MB21D2: variants seen among roughly 807,000 people sequenced by gnomAD.
The protein encoded by MB21D2 is nucleotidyltransferase MB21D2.
Under a neutral mutation model 33.3 loss-of-function variants are expected in MB21D2, and 9 were observed. The observed-to-expected ratio is 0.27, with a 90% CI of 0.16 to 0.47. MB21D2 has a LOEUF of 0.47. Among genes scored for constraint, MB21D2 ranks in the 20% least tolerant of loss-of-function variants. The pLI is 0.99. For synonymous variants in MB21D2, 241 were observed against 236.3 expected, an observed-to-expected ratio of 1.02 and a Z score of -0.18; for missense variants, 540 against 624.6, an observed-to-expected ratio of 0.86 and a Z score of 1.44.
At chr3:192,885,365 A>G (rs1273019861) in intron 1 of MB21D2, among the ~76,000 whole-genome samples, 1 of 152,082 alleles carries the variant, frequency 6.6e-6, no homozygotes, top group Admixed American at 6.5e-5. Flanking sequence ...AATCTTCTCC[A>G]TTGCCAGAAA....
At chr3:192,866,401 T>G (rs1287441630) in intron 1 of MB21D2, among the ~76,000 whole-genome samples, 1 of 152,196 alleles carries the variant, frequency 6.6e-6, no homozygotes, top group Non-Finnish European at 1.5e-5. Context: ...TCTGGTTAGA[T>G]CTCTCTTTCT....
intron 1 of MB21D2, among the ~76,000 whole-genome samples, chr3:192,828,601 T>C (rs1426380803): frequency 0.026 from 53 of 2,002 alleles, 9 homozygotes; most frequent in Non-Finnish European, 0.054. Context: ...CATATATATA[T>C]ATATATATAT....
chr3:192,862,955 T>C (rs1713082986), intron 1 of MB21D2, among the ~76,000 whole-genome samples: 1 of 152,134 alleles, frequency 6.6e-6, no homozygotes, highest in African/African-American at 2.4e-5. Context: ...GAGAAGTGGC[T>C]CCTTGAGGCC....
chr3:192,910,434 C>T (rs1208672271), intron 1 of MB21D2, among the ~76,000 whole-genome samples: 1 of 151,996 alleles, frequency 6.6e-6, no homozygotes, highest in Non-Finnish European at 1.5e-5. Context: ...GCCGTGATGG[C>T]ATCATTGCAC....
rs1454889722 is a variant in MB21D2, at chr3:192,799,102, C to T, written c.760G>A (p.Glu254Lys). 6.2e-7 allele frequency: 1 copy of T among 1,614,132 alleles called. No homozygotes were observed. The highest frequency in any genetic ancestry group is 2.2e-5 in the East Asian group (1 of 44,872). The change falls in exon 2 of 2, where the codon GAG becomes AAG. Residue 254 changes from glutamate (E) to lysine (K), a missense_variant. Glu to Lys is a moderately conservative substitution (Grantham distance 56). Transcript: ENST00000392452. This position sits in a 1 kb window ranked among gnomAD's most constrained non-coding sequence, Gnocchi z 4.1. ...WPAVAQSWLM[E>K]NHFWDGKITE... ...ATCTTCCCATCCCAAAAGTGGTTCT[C>T]CATGAGCCAGCTCTGGGCCACTGCA...
chr3:192,878,398 TGGA>T (rs1243038519), intron 1 of MB21D2, among the ~76,000 whole-genome samples: 1 of 152,120 alleles, frequency 6.6e-6, no homozygotes, highest in African/African-American at 2.4e-5. Flanking sequence ...GAGAGAAAAT[TGGA>T]GAAGAAATAA....
chr3:192,881,329 T>C (rs7647630), intron 1 of MB21D2, among the ~76,000 whole-genome samples: 7 of 151,998 alleles, frequency 4.6e-5, no homozygotes, highest in East Asian at 1.9e-4. Context: ...CAGGAGGACA[T>C]AGGCTAATGA....
chr3:192,912,325 G>A (rs1230373491), intron 1 of MB21D2, among the ~76,000 whole-genome samples: 2 of 152,034 alleles, frequency 1.3e-5, no homozygotes, highest in Non-Finnish European at 2.9e-5. Flanking sequence ...TGTCAAATGC[G>A]TGAAAAAAAC....
chr3:192,856,895 T>A (rs1433503344), intron 1 of MB21D2, among the ~76,000 whole-genome samples: 1 of 152,126 alleles, frequency 6.6e-6, no homozygotes, highest in Non-Finnish European at 1.5e-5. Context: ...ACTAATTATC[T>A]TCTGTCTGTT....
At chr3:192,850,695 C>A (rs11920093) in intron 1 of MB21D2, among the ~76,000 whole-genome samples, 1 of 152,188 alleles carries the variant, frequency 6.6e-6, no homozygotes, top group Admixed American at 6.5e-5. Flanking sequence ...AGCCCCGTCC[C>A]GTCTCCCTGC....
chr3:192,884,429 C>G (rs762396183), intron 1 of MB21D2, among the ~76,000 whole-genome samples: 32 of 151,814 alleles, frequency 2.1e-4, no homozygotes, highest in South Asian at 1.7e-3. Context: ...TGCAGTGGCG[C>G]GATCTAGGCT....
chr3:192,806,116 T>C (rs1256841978), intron 1 of MB21D2, among the ~76,000 whole-genome samples: 2 of 152,196 alleles, frequency 1.3e-5, no homozygotes, highest in Non-Finnish European at 2.9e-5. Flanking sequence ...GGATTCTAGC[T>C]CTTTCTTGTC....
intron 1 of MB21D2, among the ~76,000 whole-genome samples, chr3:192,888,656 G>A (rs1194569656): frequency 6.6e-6 from 1 of 152,072 alleles, no homozygotes; most frequent in African/African-American, 2.4e-5. Flanking sequence ...CTTACCATAT[G>A]ATCATACAGC....
chr3:192,823,420 G>A (rs921653257), intron 1 of MB21D2, among the ~76,000 whole-genome samples: 3 of 152,156 alleles, frequency 2.0e-5, no homozygotes, highest in South Asian at 2.1e-4. Flanking sequence ...TTGGGAGGCC[G>A]AGGCAGGTGG....
At chr3:192,831,231 G>A (rs1712308089) in intron 1 of MB21D2, among the ~76,000 whole-genome samples, 2 of 152,130 alleles carry the variant, frequency 1.3e-5, no homozygotes, top group South Asian at 2.1e-4. Context: ...GCCCACATGG[G>A]GATGAGCCGA....
At chr3:192,833,706 C>T (rs904720854) in intron 1 of MB21D2, among the ~76,000 whole-genome samples, 2 of 152,122 alleles carry the variant, frequency 1.3e-5, no homozygotes, top group Admixed American at 6.6e-5. Flanking sequence ...TCTGGGTGCA[C>T]GTAGTGTCTC....
chr3:192,909,830 G>A (rs1295634210), intron 1 of MB21D2, among the ~76,000 whole-genome samples: 6 of 150,930 alleles, frequency 4.0e-5, no homozygotes, highest in African/African-American at 1.5e-4. Context: ...TACTCCAGAG[G>A]CTGAGGCAGG....
Position 192,799,176 on chromosome 3 carries a change from C to A in MB21D2, c.686G>T (p.Ser229Ile). Reference protein sequence around the residue: ...IISIILGVGSSRMLYDIVPVV... With the variant: ...IISIILGVGSIRMLYDIVPVV... Reference sequence around the variant, plus strand: ...AGGGACAATATCATACAACATGCGACTACTCCCTACACCCAGAATGATGGA... The same window carrying A: ...AGGGACAATATCATACAACATGCGAATACTCCCTACACCCAGAATGATGGA... Residue 229 changes from serine (S) to isoleucine (I), a missense_variant, in exon 2 of 2, where the codon AGT becomes ATT. Physicochemically the swap from Ser to Ile is moderately radical, Grantham distance 142. Coordinates refer to ENST00000392452, the MANE Select transcript of MB21D2 (RefSeq NM_178496.4). The surrounding 1 kb of genome is among the most constrained non-coding windows in gnomAD (Gnocchi z 4.1). The A allele has an allele frequency of 1.2e-6, 2 of 1,614,228 alleles. No homozygotes were observed. The highest frequency in any genetic ancestry group is 1.7e-6 in the Non-Finnish European group (2 of 1,180,036).
chr3:192,877,137 T>C (rs1713449064), intron 1 of MB21D2, among the ~76,000 whole-genome samples: 1 of 152,214 alleles, frequency 6.6e-6, no homozygotes, highest in African/African-American at 2.4e-5. Flanking sequence ...ACAACAGGAT[T>C]TGTGTTAGCC....
Sources: allele counts gnomAD v4.1 joint callset (sites outside exome capture counted in the v4.1 genomes callset), GRCh38; gene constraint gnomAD v4.1.1; non-coding constraint Gnocchi (gnomAD v3.1); transcripts MANE v1.5; gene names NCBI Gene and HGNC (gene_info 2026-07-23, HGNC 2026-07-21).